UACA: variants seen among roughly 807,000 people sequenced by gnomAD.
UACA encodes nuclear membrane binding protein.
In UACA, 112 loss-of-function variants were observed where a neutral mutation model predicts 160.5. The ratio of observed to expected loss-of-function variants is 0.70; its 90% CI spans 0.60 to 0.82. UACA has a LOEUF of 0.82. Ranked by LOEUF, UACA falls within the 40% of genes least tolerant of loss-of-function variation. The probability of loss-of-function intolerance (pLI) is 0.00; values close to 1 mark genes in which losing one functional copy is unlikely to be tolerated. For synonymous variants in UACA, 557 were observed against 568.4 expected (o/e 0.98, Z 0.29); for missense variants, 1,574 against 1,614.6 (o/e 0.97, Z 0.43).
intron 18 of UACA, among the ~76,000 whole-genome samples, chr15:70,659,938 G>A (rs1033657693): frequency 5.3e-5 from 8 of 152,008 alleles, no homozygotes; most frequent in Admixed American, 1.3e-4. Flanking sequence ...AGATGGAGAC[G>A]ACACTAAATT....
rs558941038 is a variant in UACA, at chr15:70,702,078, G to T, written c.79-2418C>A. ...TTGGATCTCTAACGATATTTTCTTC[G>T]TCTTCAGGATCCTTCTCCGCCTTCA... On this transcript the variant is annotated intron_variant, in intron 1 of 18. Coordinates refer to ENST00000322954, the MANE Select transcript of UACA (RefSeq NM_018003.4). The T allele has an allele frequency of 2.9e-6, 4 of 1,366,256 alleles. No individual in the cohort carries two copies. The South Asian group carries it at 5.7e-5, about 20-fold the overall frequency. 84.6% of individuals were successfully genotyped at this position (1,366,256 alleles called of 1,614,324 possible).
Position 70,654,677 on chromosome 15 carries a change from G to A in UACA, c.*2379C>T, listed in dbSNP as rs1014719480. 1 of 151,790 alleles carries A rather than the reference G, an allele frequency of 6.6e-6. No homozygotes were observed. Among genetic ancestry groups the A allele is most frequent in the Non-Finnish European group, 1.5e-5 (1 of 67,966 alleles). The allele number at this position is 151,790 out of a possible 1,614,324, so 9.4% of individuals were successfully genotyped here. On this transcript the variant is annotated 3_prime_UTR_variant, in exon 19 of 19. Coordinates refer to ENST00000322954, the MANE Select transcript of UACA (RefSeq NM_018003.4). The stretch of plus-strand genomic sequence containing the variant: ...AAAAAAAAAACTACACAGAACAAGA[G>A]TAATAAAGTTCTCAAGTAAGGATTG...
chr15:70,750,037 C>T (rs572611188), intron 1 of UACA, among the ~76,000 whole-genome samples: 2 of 152,272 alleles, frequency 1.3e-5, no homozygotes, highest in East Asian at 3.9e-4. Context: ...TTTCTGACCA[C>T]GTGTCTGTTG....
In UACA at chr15:70,669,054, C is replaced by T. The variant is rs946732138; in HGVS notation, c.1630G>A (p.Asp544Asn). 6.2e-6 allele frequency: 10 copies of T among 1,614,000 alleles called. No homozygotes were observed. The highest frequency in any genetic ancestry group is 2.2e-5 in the East Asian group (1 of 44,868). ...GNHRLTEELK[D>N]QLKDLKVKYE... Reference sequence around the variant, plus strand: ...TTTACTTTCAAGTCTTTCAACTGATCCTTCAGTTCCTCGGTTAGTCTGTGA... The same window carrying T: ...TTTACTTTCAAGTCTTTCAACTGATTCTTCAGTTCCTCGGTTAGTCTGTGA... Residue 544 changes from aspartate (D) to asparagine (N), a missense_variant, in exon 16 of 19, where the codon GAT (aspartate) becomes AAT (asparagine). Transcript: ENST00000322954.
chr15:70,657,850 G>A (rs931911482), intron 18 of UACA, among the ~76,000 whole-genome samples: 25 of 151,954 alleles, frequency 1.6e-4, no homozygotes, highest in African/African-American at 5.8e-4. Flanking sequence ...GGGAGGCCAA[G>A]GTGGGAGGAT....
the UACA span, among the ~76,000 whole-genome samples, chr15:70,776,230 T>G: frequency 6.6e-6 from 1 of 152,044 alleles, no homozygotes; most frequent in Admixed American, 6.6e-5. Context: ...ACAGGGAAAA[T>G]TTAAGCAACA....
At position 70,699,569 on chromosome 15, in the gene UACA, T is replaced by C. The variant is rs764828191; in HGVS notation, c.170A>G (p.Lys57Arg). The change falls in exon 2 of 19, where the codon AAG becomes AGG. Residue 57 changes from lysine (K) to arginine (R), a missense_variant. Physicochemically the swap from Lys to Arg is conservative, Grantham distance 26. Coordinates refer to ENST00000322954, the MANE Select transcript of UACA (RefSeq NM_018003.4). ...VEKVTSILAK[K>R]GVNPGKLDVE... ...ATCTAGTTTGCCTGGATTGACCCCC[T>C]TTTTAGCAAGGATTGAGGTCACTTT... is the stretch of plus-strand genomic sequence containing the variant. The C allele has an allele frequency of 5.0e-5, 81 of 1,610,876 alleles. No homozygotes were observed. Among genetic ancestry groups the C allele is most frequent in the Non-Finnish European group, 1.7e-5 (20 of 1,179,230 alleles).
At chr15:70,699,683 T>C in intron 1 of UACA, 23 bp from the exon 2 acceptor site, 2 of 1,604,528 alleles carry the variant, frequency 1.2e-6, no homozygotes, top group Middle Eastern at 3.3e-4. Flanking sequence ...AAAAAAAAAG[T>C]AAATATGGCA....
intron 1 of UACA, among the ~76,000 whole-genome samples, chr15:70,759,509 G>T (rs567104099): frequency 6.6e-6 from 1 of 152,160 alleles, no homozygotes; most frequent in Non-Finnish European, 1.5e-5. Context: ...TACAAAATGA[G>T]CCGGGCATGG....
At chr15:70,753,845 G>A (rs564874590) in intron 1 of UACA, among the ~76,000 whole-genome samples, 2 of 152,002 alleles carry the variant, frequency 1.3e-5, no homozygotes, top group Non-Finnish European at 2.9e-5. Flanking sequence ...TCGCTCCATC[G>A]CCCAGGCTGG....
the UACA span, among the ~76,000 whole-genome samples, chr15:70,771,982 T>A: frequency 2.0e-5 from 3 of 152,102 alleles, no homozygotes; most frequent in African/African-American, 7.2e-5. Flanking sequence ...AAAGAAGGAT[T>A]TCGAATTGTG....
intron 1 of UACA, among the ~76,000 whole-genome samples, chr15:70,760,929 G>A (rs1301699343): frequency 6.6e-6 from 1 of 152,094 alleles, no homozygotes; most frequent in Non-Finnish European, 1.5e-5. Context: ...TTTCTCATAT[G>A]CTGGTTCCAT....
chr15:70,767,574 CAAGACT>C, upstream of UACA, among the ~76,000 whole-genome samples: 1 of 148,436 alleles, frequency 6.7e-6, no homozygotes. Context: ...GGTGATAGAG[CAAGACT>C]TCATCTCAAA....
chr15:70,704,199 GA>G (rs1898459991), intron 1 of UACA, among the ~76,000 whole-genome samples: 1 of 152,150 alleles, frequency 6.6e-6, no homozygotes, highest in Non-Finnish European at 1.5e-5. Context: ...TTAAGAACCA[GA>G]ATCCACATCT....
intron 13 of UACA, 31 bp downstream of exon 13, chr15:70,676,462 A>T (rs1897305726): frequency 7.0e-7 from 1 of 1,429,102 alleles, no homozygotes; most frequent in South Asian, 1.2e-5. Context: ...ACCCATTATG[A>T]ATTACAGGAA....
chr15:70,698,364 T>C (rs1305086037), intron 2 of UACA, among the ~76,000 whole-genome samples: 1 of 152,166 alleles, frequency 6.6e-6, no homozygotes, highest in East Asian at 1.9e-4. Flanking sequence ...AAAAGAAACA[T>C]GAAGAACAAT....
chr15:70,762,183 T>C (rs2141020962), intron 1 of UACA, among the ~76,000 whole-genome samples: 3 of 152,298 alleles, frequency 2.0e-5, no homozygotes, highest in Middle Eastern at 6.8e-3. Flanking sequence ...TAAGTCTAGG[T>C]AGTTCCTCCA....
intron 17 of UACA, among the ~76,000 whole-genome samples, chr15:70,664,012 A>T (rs774396854): frequency 6.6e-6 from 1 of 152,184 alleles, no homozygotes; most frequent in Non-Finnish European, 1.5e-5. Context: ...TAGAACTTAA[A>T]GTATAATAAA....
At chr15:70,679,248 C>T (rs900663814) in intron 10 of UACA, among the ~76,000 whole-genome samples, 69 of 151,676 alleles carry the variant, frequency 4.5e-4, no homozygotes, top group Non-Finnish European at 5.7e-4. Context: ...ACTAAAAATA[C>T]AAAAATTAGC....
Sources: allele counts gnomAD v4.1 joint callset (sites outside exome capture counted in the v4.1 genomes callset), GRCh38; gene constraint gnomAD v4.1.1; transcripts MANE v1.5; gene names NCBI Gene and HGNC (gene_info 2026-07-23, HGNC 2026-07-21).